Variants in LAMB1 observed in about 807,000 individuals in gnomAD.
LAMB1 encodes laminin subunit beta 1.
A neutral mutation model predicts 222.3 loss-of-function variants in LAMB1; 121 were observed. The ratio of observed to expected loss-of-function variants is 0.54; its 90% CI spans 0.47 to 0.63. LAMB1 has a LOEUF of 0.63. LAMB1 is among the 30% of genes least tolerant of loss of function. The pLI is 0.00. For missense variants in LAMB1, 2,172 were observed against 2,240.8 expected, an observed-to-expected ratio of 0.97 and a Z score of 0.62; for synonymous variants, 794 against 807.2, an observed-to-expected ratio of 0.98 and a Z score of 0.28.
intron 4 of LAMB1, 112 bp from the exon 5 acceptor site, chr7:107,995,072 C>G (rs2034258776): frequency 1.6e-6 from 1 of 612,838 alleles, no homozygotes; most frequent in Admixed American, 2.7e-5. Flanking sequence ...AGAAATTATC[C>G]TCGCATTCTA....
chr7:107,959,997 A>C (rs1032118730), intron 18 of LAMB1, among the ~76,000 whole-genome samples, 163 bp from the exon 19 acceptor site: 1 of 152,242 alleles, frequency 6.6e-6, no homozygotes, highest in African/African-American at 2.4e-5. Context: ...CAGAGTTGGC[A>C]GATCAAAACA....
intron 27 of LAMB1, among the ~76,000 whole-genome samples, chr7:107,934,594 G>C (rs2032794421): frequency 6.6e-6 from 1 of 152,004 alleles, no homozygotes; most frequent in Non-Finnish European, 1.5e-5. Context: ...CTACTTTCTA[G>C]GCTGGTTTCA....
chr7:107,992,154 T>C (rs1287471713), intron 5 of LAMB1, among the ~76,000 whole-genome samples: 5 of 152,302 alleles, frequency 3.3e-5, no homozygotes, highest in East Asian at 3.9e-4. Context: ...CCTCCGGCCA[T>C]GAATGGCCTT....
Position 107,962,991 on chromosome 7 carries a change from C to G in LAMB1, c.1771G>C (p.Val591Leu). The G allele has an allele frequency of 6.2e-7, 1 of 1,614,082 alleles. No individual in the cohort carries two copies. Among genetic ancestry groups the G allele is most frequent in the Non-Finnish European group, 8.5e-7 (1 of 1,179,950 alleles). ...PSWTGAGFVR[V>L]PEGAYLEFFI... is the part of the protein sequence containing the mutation. ...AACTCCAAATAAGCCCCTTCAGGCACTCGGACGAAGCCGGCTCCAGTCCAG... is the reference window on the plus strand; with the variant it reads ...AACTCCAAATAAGCCCCTTCAGGCAGTCGGACGAAGCCGGCTCCAGTCCAG... Residue 591 changes from valine to leucine, a missense_variant, in exon 15 of 34, where the codon GTG becomes CTG. Coordinates refer to ENST00000222399, the MANE Select transcript of LAMB1 (RefSeq NM_002291.3).
chr7:107,934,161 C>T (rs1031909910), intron 27 of LAMB1, among the ~76,000 whole-genome samples: 3 of 152,054 alleles, frequency 2.0e-5, no homozygotes, highest in African/African-American at 4.8e-5. Flanking sequence ...TAATAAATGA[C>T]AGATTATTTG....
At chr7:107,977,351 T>A (rs1045267218) in intron 9 of LAMB1, among the ~76,000 whole-genome samples, 1 of 152,104 alleles carries the variant, frequency 6.6e-6, no homozygotes, top group African/African-American at 2.4e-5. Flanking sequence ...AGAAAACCCC[T>A]GAGATGGATG....
intron 14 of LAMB1, 43 bp downstream of exon 14, chr7:107,964,509 C>G (rs552651822): frequency 6.2e-7 from 1 of 1,612,668 alleles, no homozygotes. Context: ...CACTACACCC[C>G]AAAACACTGC....
At chr7:107,983,006 G>C (rs186546953) in intron 7 of LAMB1, among the ~76,000 whole-genome samples, 88 of 152,304 alleles carry the variant, frequency 5.8e-4, no homozygotes, top group African/African-American at 1.7e-3. Flanking sequence ...AGGGACTTAG[G>C]GGGTGTCTGT....
At chr7:107,986,756 TAG>T (rs2034086490) in intron 5 of LAMB1, among the ~76,000 whole-genome samples, 1 of 152,208 alleles carries the variant, frequency 6.6e-6, no homozygotes, top group Admixed American at 6.5e-5. Flanking sequence ...ACTACCTCCT[TAG>T]TATCAGCCAG....
Position 107,975,496 on chromosome 7 carries a change from C to T in LAMB1, c.1190-83G>A, listed in dbSNP as rs1223904289. On this transcript the variant is annotated intron_variant, in intron 10 of 33. Transcript: ENST00000222399. ...ATAAATACATATATTCCCTTCCTCCCTCTAAATCTCACAAAAGTCGACTAA... is the reference window on the plus strand; with the variant it reads ...ATAAATACATATATTCCCTTCCTCCTTCTAAATCTCACAAAAGTCGACTAA... 5.8e-6 allele frequency: 8 copies of T among 1,374,376 alleles called. No homozygotes were observed. The Admixed American group carries it at 1.1e-4, about 18-fold the overall frequency. 85.1% of individuals were successfully genotyped at this position (1,374,376 alleles called of 1,614,324 possible).
chr7:107,975,604 C>G, intron 10 of LAMB1, 85 bp downstream of exon 10: 2 of 1,354,890 alleles, frequency 1.5e-6, no homozygotes, highest in Non-Finnish European at 2.0e-6. Flanking sequence ...ACTGCTCATA[C>G]TATGAGCTCT....
At chr7:107,990,146 C>G (rs2034155384) in intron 5 of LAMB1, among the ~76,000 whole-genome samples, 1 of 152,104 alleles carries the variant, frequency 6.6e-6, no homozygotes, top group Non-Finnish European at 1.5e-5. Flanking sequence ...TCAAGCAATC[C>G]TCCAACCTCA....
chr7:107,980,721 T>G lies in LAMB1; in HGVS notation c.767A>C (p.Glu256Ala). Residue 256 changes from glutamate (E) to alanine (A), a missense_variant, in exon 8 of 34, where the codon GAA becomes GCA. Transcript: ENST00000222399. ...NLLDSRMEIR[E>A]KYYYAVYDMV... is the part of the protein sequence containing the mutation. ...ATCATAAACTGCATAATAATACTTT[T>G]CTCTGATTTCCATCCTGGAATCCAG... 1 of 1,613,568 alleles carries G rather than the reference T, an allele frequency of 6.2e-7. No individual in the cohort carries two copies. The highest frequency in any genetic ancestry group is 8.5e-7 in the Non-Finnish European group (1 of 1,179,490).
rs190154627 is a variant in LAMB1, at chr7:107,982,673, C to A, written c.677-1862G>T. On this transcript the variant is annotated intron_variant, in intron 7 of 33. Transcript: ENST00000222399. ...CCCTTGAACTGACCTTTGTGGAAAC[C>A]CCTCAGTAGAGCAAATATGCTCCCC... Among the ~76,000 whole-genome samples the A allele has an allele frequency of 2.4e-4, 37 of 152,188 alleles. No individual in the cohort carries two copies. In the East Asian group the frequency reaches 7.2e-3, roughly 29 times the overall value.
intron 13 of LAMB1, among the ~76,000 whole-genome samples, chr7:107,971,849 A>G (rs1190387715): frequency 3.3e-5 from 5 of 152,224 alleles, no homozygotes; most frequent in African/African-American, 1.2e-4. Context: ...GAATCATAGG[A>G]CATTCCTGAG....
rs2033843994 is a variant in LAMB1, at chr7:107,975,867, G to A, written c.1011C>T (p.Cys337=). The change falls in exon 10 of 34, where the codon TGC becomes TGT. Residue 337 remains cysteine (C), a synonymous_variant. Transcript: ENST00000222399. ...RNSNACKKCN[C]NEHSISCHFD... is the part of the protein sequence containing the mutation. ...AGTGACAAGAGATGGAATGTTCATT[G>A]CAGTTACATTCTGCGTGACAAGAGC... 2 of 1,613,760 alleles carry A rather than the reference G, an allele frequency of 1.2e-6. No individual in the cohort carries two copies. Among genetic ancestry groups the A allele is most frequent in the Non-Finnish European group, 1.7e-6 (2 of 1,179,880 alleles).
intron 7 of LAMB1, among the ~76,000 whole-genome samples, chr7:107,981,634 A>ATGAC (rs1273609465): frequency 1.3e-5 from 2 of 152,200 alleles, no homozygotes; most frequent in African/African-American, 2.4e-5. Context: ...ACGCAGCTGC[A>ATGAC]TGACTGCTGG....
At chr7:107,996,567 A>G (rs903515912) in intron 4 of LAMB1, among the ~76,000 whole-genome samples, 1 of 152,208 alleles carries the variant, frequency 6.6e-6, no homozygotes, top group Admixed American at 6.5e-5. Flanking sequence ...TATAGTAACA[A>G]TCAGTCTGAC....
At chr7:107,962,061 T>G (rs2150429179) in intron 15 of LAMB1, among the ~76,000 whole-genome samples, 1 of 152,310 alleles carries the variant, frequency 6.6e-6, no homozygotes, top group East Asian at 1.9e-4. Context: ...TGTGGAATGA[T>G]TCTCAATAAA....
Sources: gnomAD v4.1 joint callset for allele counts (sites outside exome capture counted in the v4.1 genomes callset) on GRCh38, gnomAD v4.1.1 for gene constraint, MANE v1.5 for transcripts, NCBI Gene and HGNC (gene_info 2026-07-23, HGNC 2026-07-21) for gene names.